ARMCX4: variants seen among roughly 807,000 people sequenced by gnomAD.
ARMCX4 encodes the protein armadillo repeat containing X-linked 4.
Under a neutral mutation model 34.7 loss-of-function variants are expected in ARMCX4, and 3 were observed. The ratio of observed to expected loss-of-function variants is 0.09; its 90% CI spans 0.04 to 0.22. ARMCX4 has a LOEUF of 0.22. ARMCX4 is among the 10% of genes least tolerant of loss of function. ARMCX4 has a pLI of 1.00. For missense variants in ARMCX4, 1,448 were observed against 1,720.8 expected (o/e 0.84, Z 2.81); for synonymous variants, 513 against 632.8 (o/e 0.81, Z 2.84).
At chrX:101,518,026 A>C (rs58992508) in intron 11 of ARMCX4, among the ~76,000 whole-genome samples, 2,392 of 111,775 alleles carry the variant, frequency 0.021, 37 homozygotes, top group African/African-American at 0.046. Flanking sequence ...GGGAGAAAAA[A>C]GGTAATTTTT....
chrX:101,514,840 G>A (rs1934672027), intron 11 of ARMCX4, among the ~76,000 whole-genome samples: 1 of 111,814 alleles, frequency 8.9e-6, no homozygotes, highest in Admixed American at 9.5e-5. Context: ...GACAGGGATG[G>A]AAGGGCTGTC....
At chrX:101,521,107 T>G (rs1446887818) in intron 11 of ARMCX4, among the ~76,000 whole-genome samples, 1 of 109,401 alleles carries the variant, frequency 9.1e-6, no homozygotes, top group Non-Finnish European at 1.9e-5. Flanking sequence ...AATTTTCATA[T>G]TTTTAGTAGA....
chrX:101,426,147 T>G (rs1364483486), intron 2 of ARMCX4, among the ~76,000 whole-genome samples: 7 of 110,570 alleles, frequency 6.3e-5, no homozygotes, highest in Non-Finnish European at 1.3e-4. Flanking sequence ...ATGGAGAAAT[T>G]TTGTGGATGT....
chrX:101,465,721 C>T (rs1427237614), intron 4 of ARMCX4, among the ~76,000 whole-genome samples: 3 of 111,343 alleles, frequency 2.7e-5, no homozygotes, highest in African/African-American at 9.8e-5. Flanking sequence ...AATGTAGAAC[C>T]CTGCACTCTA....
intron 2 of ARMCX4, among the ~76,000 whole-genome samples, chrX:101,433,123 T>C (rs59885561): frequency 6.4e-5 from 7 of 108,686 alleles, no homozygotes; most frequent in African/African-American, 2.3e-4. Flanking sequence ...CACATGTATG[T>C]ATACATATTT....
intron 4 of ARMCX4, among the ~76,000 whole-genome samples, chrX:101,471,715 A>C (rs1177918766): frequency 1.8e-5 from 2 of 111,390 alleles, no homozygotes; most frequent in Non-Finnish European, 3.8e-5. Flanking sequence ...CTCACACAGC[A>C]GGGTACTCCA....
At chrX:101,446,173 A>G (rs1173249469), downstream of ARMCX4, 1 of 112,100 alleles carries the variant, frequency 8.9e-6, no homozygotes, top group Non-Finnish European at 1.9e-5. Context: ...AATATACTGA[A>G]AATGTTTTTA....
intron 4 of ARMCX4, among the ~76,000 whole-genome samples, chrX:101,468,344 G>A (rs1236942393): frequency 9.1e-6 from 1 of 109,712 alleles, no homozygotes; most frequent in African/African-American, 3.3e-5. Context: ...AGGCTGGAGT[G>A]CAGTGGTGTG....
rs1603188283 is a variant in ARMCX4 at position 101,472,960 on chromosome X, T to C, written c.-472-13063T>C. Among the ~76,000 whole-genome samples the C allele has an allele frequency of 2.8e-5, 3 of 106,754 alleles. No individual in the cohort carries two copies. In the South Asian group the frequency reaches 1.3e-3, roughly 46 times the overall value. The allele number at this position is 106,754 out of a possible 115,157, so 92.7% of individuals were successfully genotyped here. A position where few individuals can be genotyped will look rare whatever the true frequency, so the allele number is the denominator to read the frequency against. On this transcript the variant is annotated intron_variant and NMD_transcript_variant, in intron 4 of 15. Coordinates refer to the ARMCX4 transcript ENST00000433011. ...AGGATCAAATTCACACATAACAATA[T>C]TAACTTTAAATGTAAATGGACTAAA...
At chrX:101,523,083 G>C in intron 11 of ARMCX4, among the ~76,000 whole-genome samples, 1 of 111,338 alleles carries the variant, frequency 9.0e-6, no homozygotes, top group Non-Finnish European at 1.9e-5. Flanking sequence ...GAGAAGGATG[G>C]AGCAGGCTTG....
intron 4 of ARMCX4, among the ~76,000 whole-genome samples, chrX:101,461,678 A>C (rs912002415): frequency 5.4e-5 from 6 of 111,909 alleles, no homozygotes; most frequent in Non-Finnish European, 1.1e-4. Flanking sequence ...TCCTACAAGC[A>C]ATACACAAGG....
chrX:101,488,539 C>T lies in ARMCX4; in HGVS notation c.-51C>T. The T allele has an allele frequency of 3.5e-6, 4 of 1,155,431 alleles. No individual in the cohort carries two copies. Among genetic ancestry groups the T allele is most frequent in the Non-Finnish European group, 4.6e-6 (4 of 872,714 alleles). Reference sequence around the variant, plus strand: ...ACAACTACCACTCTCTTTACCCCAGCCCGAGTGCGCTCTACCATACCTTGT... The same window carrying T: ...ACAACTACCACTCTCTTTACCCCAGTCCGAGTGCGCTCTACCATACCTTGT... On this transcript the variant is annotated 5_prime_UTR_variant, in exon 6 of 6. Coordinates refer to ENST00000423738, the MANE Select transcript of ARMCX4 (RefSeq NM_001256155.3).
At chrX:101,442,902 G>T (rs1331463330) in intron 2 of ARMCX4, among the ~76,000 whole-genome samples, 2 of 111,050 alleles carry the variant, frequency 1.8e-5, no homozygotes, top group East Asian at 5.7e-4. Context: ...GGAGGCTGAG[G>T]CGGGCGGATC....
At chrX:101,512,817 C>CATAT (rs1216032984) in intron 11 of ARMCX4, among the ~76,000 whole-genome samples, 4 of 84,082 alleles carry the variant, frequency 4.8e-5, no homozygotes, top group Admixed American at 1.3e-4. Context: ...CATATATACA[C>CATAT]ATATATATAC....
chrX:101,431,636 C>T (rs146222535), intron 2 of ARMCX4, among the ~76,000 whole-genome samples: 5,049 of 111,088 alleles, frequency 0.045, 112 homozygotes, highest in African/African-American at 0.064. Context: ...CTCTGCCTTC[C>T]GGGTTCATGC....
Position 101,493,133 on chromosome X carries a change from G to A in ARMCX4, c.4544G>A (p.Gly1515Glu). 1 of 1,153,125 alleles carries A rather than the reference G, an allele frequency of 8.7e-7. No individual in the cohort carries two copies. The highest frequency in any genetic ancestry group is 1.1e-6 in the Non-Finnish European group (1 of 872,053). ...AGTGGATGGTTCTGTGTTTGCCCTG[G>A]GAGTCAGACGAATGGAGGGTCTTGG... ...QASGWFCVCPGSQTNGGSWGG... is the reference protein window; with the variant it reads ...QASGWFCVCPESQTNGGSWGG... The change falls in exon 6 of 6, where the codon GGG becomes GAG. Residue 1515 changes from glycine (G) to glutamate (E), a missense_variant. Physicochemically the swap from Gly to Glu is moderately conservative, Grantham distance 98. Transcript: ENST00000423738.
At chrX:101,525,412 C>T (rs1352616942) in intron 11 of ARMCX4, among the ~76,000 whole-genome samples, 2 of 111,775 alleles carry the variant, frequency 1.8e-5, no homozygotes, top group African/African-American at 6.5e-5. Flanking sequence ...CGCCTCTTCT[C>T]CTCCAAAGGA....
chrX:101,477,724 C>T (rs1366568574), intron 4 of ARMCX4, among the ~76,000 whole-genome samples: 2 of 110,227 alleles, frequency 1.8e-5, no homozygotes, highest in African/African-American at 6.6e-5. Flanking sequence ...AAACTATAAA[C>T]GGATCTCATC....
rs1306850336 is a variant in ARMCX4, at chrX:101,490,325, G to C, written c.1736G>C (p.Gly579Ala). The C allele has an allele frequency of 8.7e-7, 1 of 1,154,385 alleles. No individual in the cohort carries two copies. The highest frequency in any genetic ancestry group is 1.1e-6 in the Non-Finnish European group (1 of 872,356). The change falls in exon 6 of 6, where the codon GGG becomes GCG. Residue 579 changes from glycine to alanine, a missense_variant. Around this residue, in one of 2 missense-constraint regions of ARMCX4, gnomAD observed 1,343 missense variants for 1,540.7 expected, o/e 0.87. Transcript: ENST00000423738. ...RGNPNATSKA[G>A]TKADQRVCGQ... ...AATCCTAATGCCACTTCTAAAGCCG[G>C]GACTAAGGCAGACCAGAGGGTCTGT...
Sources: gnomAD v4.1 joint callset for allele counts (sites outside exome capture counted in the v4.1 genomes callset) on GRCh38, gnomAD v4.1.1 for gene constraint, gnomAD v4.1.1 regional missense constraint, MANE v1.5 for transcripts, NCBI Gene and HGNC (gene_info 2026-07-23, HGNC 2026-07-21) for gene names.